Variants in CENPP observed in about 807,000 individuals in gnomAD.
CENPP encodes the protein centromere protein P.
Under a neutral mutation model 35.6 loss-of-function variants are expected in CENPP, and 24 were observed. The observed-to-expected ratio is 0.67, with a 90% CI of 0.49 to 0.95. The LOEUF is 0.95. Among genes scored for constraint, CENPP ranks in the 40% least tolerant of loss-of-function variants. The probability of loss-of-function intolerance (pLI) is 0.00; values close to 1 mark genes in which losing one functional copy is unlikely to be tolerated. For synonymous variants in CENPP, 120 were observed against 125.5 expected, an observed-to-expected ratio of 0.96 and a Z score of 0.29; for missense variants, 332 against 345.3, an observed-to-expected ratio of 0.96 and a Z score of 0.31.
chr9:92,429,890 A>C (rs1360154288), intron 5 of CENPP, among the ~76,000 whole-genome samples: 1 of 152,208 alleles, frequency 6.6e-6, no homozygotes, highest in Non-Finnish European at 1.5e-5. Context: ...ATATATTTAG[A>C]AATCATTATT....
intron 5 of CENPP, among the ~76,000 whole-genome samples, chr9:92,453,350 G>A (rs982908308): frequency 1.2e-4 from 18 of 151,906 alleles, no homozygotes; most frequent in Non-Finnish European, 2.1e-4. Context: ...CCTTCATTTC[G>A]TTATGTACCC....
intron 5 of CENPP, among the ~76,000 whole-genome samples, chr9:92,552,117 A>T (rs959013688): frequency 6.0e-4 from 85 of 142,756 alleles, no homozygotes; most frequent in Non-Finnish European, 9.3e-4. Context: ...TATATATGTG[A>T]TATGATAGAT....
intron 5 of CENPP, among the ~76,000 whole-genome samples, chr9:92,609,359 T>A (rs1851171881): frequency 6.6e-6 from 1 of 152,256 alleles, no homozygotes; most frequent in Non-Finnish European, 1.5e-5. Context: ...TCAGCAGAGC[T>A]GATCTGGTTC....
At chr9:92,493,600 A>C (rs557264915) in intron 5 of CENPP, 4 of 152,770 alleles carry the variant, frequency 2.6e-5, no homozygotes, top group African/African-American at 9.6e-5. Flanking sequence ...GTGTGTTAGT[A>C]ATTATAGTGT....
intron 5 of CENPP, chr9:92,460,539 G>A (rs1845068828): frequency 6.3e-7 from 1 of 1,597,896 alleles, no homozygotes. Flanking sequence ...TATAATCTAA[G>A]TGAAGCTCCA....
intron 5 of CENPP, among the ~76,000 whole-genome samples, chr9:92,431,786 GGT>G (rs1844115622): frequency 6.6e-6 from 1 of 151,938 alleles, no homozygotes; most frequent in Admixed American, 6.6e-5. Context: ...CATTGGCTAG[GGT>G]GGTCTCAAAC....
chr9:92,412,968 A>T (rs1843485701), intron 5 of CENPP, among the ~76,000 whole-genome samples: 1 of 142,808 alleles, frequency 7.0e-6, no homozygotes, highest in Non-Finnish European at 1.5e-5. Context: ...GGTTATATGT[A>T]ACTAAGCTTT....
At chr9:92,406,604 G>C (rs1470267162) in intron 5 of CENPP, among the ~76,000 whole-genome samples, 1 of 152,098 alleles carries the variant, frequency 6.6e-6, no homozygotes. Flanking sequence ...TTGCTTGATG[G>C]TCTGCTTCAG....
intron 2 of CENPP, among the ~76,000 whole-genome samples, chr9:92,333,264 C>T (rs918210949): frequency 1.3e-5 from 2 of 152,186 alleles, no homozygotes; most frequent in African/African-American, 4.8e-5. Context: ...GAAAATTACC[C>T]TCATGACAGG....
chr9:92,580,920 C>G (rs1483143954), intron 5 of CENPP, among the ~76,000 whole-genome samples: 1 of 152,182 alleles, frequency 6.6e-6, no homozygotes, highest in Non-Finnish European at 1.5e-5. Context: ...ATCTTTCCTG[C>G]TTTCTCTTGT....
intron 5 of CENPP, among the ~76,000 whole-genome samples, chr9:92,605,320 A>G (rs1242622571): frequency 1.3e-5 from 2 of 152,102 alleles, no homozygotes; most frequent in African/African-American, 4.8e-5. Flanking sequence ...TCATTAGAGT[A>G]AATTTTCGTA....
intron 5 of CENPP, chr9:92,494,093 G>C (rs768264150): frequency 1.3e-6 from 2 of 1,597,554 alleles, no homozygotes; most frequent in Non-Finnish European, 8.5e-7. Context: ...CTACCAGAGA[G>C]GAAAGGCCAC....
chr9:92,480,575 A>C (rs1845878939), intron 5 of CENPP, among the ~76,000 whole-genome samples: 2 of 152,256 alleles, frequency 1.3e-5, no homozygotes, highest in African/African-American at 2.4e-5. Flanking sequence ...ATAAAGCTTA[A>C]GAAGCACATA....
intron 5 of CENPP, among the ~76,000 whole-genome samples, chr9:92,579,119 A>G (rs1235533248): frequency 4.5e-4 from 68 of 150,226 alleles, no homozygotes; most frequent in East Asian, 1.4e-3. Flanking sequence ...GTAGATATGC[A>G]GCATTATTTC....
intron 5 of CENPP, among the ~76,000 whole-genome samples, chr9:92,444,340 T>TTTAA (rs1844497017): frequency 6.6e-6 from 1 of 152,170 alleles, no homozygotes; most frequent in Non-Finnish European, 1.5e-5. Flanking sequence ...CTTCATGCAT[T>TTTAA]TTTAAATTGG....
intron 2 of CENPP, among the ~76,000 whole-genome samples, chr9:92,335,019 C>T (rs1026816932): frequency 2.6e-5 from 4 of 151,906 alleles, no homozygotes; most frequent in African/African-American, 7.3e-5. Flanking sequence ...AAGCCTGTCT[C>T]TACCAAAAAC....
chr9:92,531,746 A>G (rs370698356), intron 5 of CENPP, among the ~76,000 whole-genome samples: 1 of 151,932 alleles, frequency 6.6e-6, no homozygotes, highest in Non-Finnish European at 1.5e-5. Context: ...TCCTTCCTAT[A>G]TCTACTTTCT....
rs761125617 is a variant in CENPP, at chr9:92,612,553, A to G, written c.675A>G (p.Gln225=). 3.7e-6 allele frequency: 6 copies of G among 1,614,060 alleles called. No individual in the cohort carries two copies. The highest frequency in any genetic ancestry group is 4.2e-6 in the Non-Finnish European group (5 of 1,179,958). Residue 225 remains glutamine, a synonymous_variant, in exon 7 of 8, where the codon CAA becomes CAG. Transcript: ENST00000375587. ...AATTAGTCATTGTTTGGAGGATACA[A>G]ATAGATGAAGATGGGAAGGTTTTTC... The part of the protein sequence containing the change: ...GFELVIVWRI[Q]IDEDGKVFPK...
chr9:92,542,853 ACATT>A (rs1849346812), intron 5 of CENPP, among the ~76,000 whole-genome samples: 1 of 152,184 alleles, frequency 6.6e-6, no homozygotes, highest in East Asian at 1.9e-4. Context: ...TATAGATCTT[ACATT>A]TAATTCATTA....
Sources: gnomAD v4.1 joint callset for allele counts (sites outside exome capture counted in the v4.1 genomes callset) on GRCh38, gnomAD v4.1.1 for gene constraint, MANE v1.5 for transcripts, NCBI Gene and HGNC (gene_info 2026-07-23, HGNC 2026-07-21) for gene names.